Variants in CDKL5 observed in about 807,000 individuals in gnomAD.
CDKL5 encodes cyclin dependent kinase like 5.
CDKL5 carries 8 observed loss-of-function variants against 61.7 expected under a neutral mutation model. That is an observed-to-expected ratio of 0.13 (90% CI 0.08 to 0.23). CDKL5 has a LOEUF of 0.23. Among genes scored for constraint, CDKL5 ranks in the 10% least tolerant of loss-of-function variants. The pLI is 1.00. For missense variants in CDKL5, 440 were observed against 734.5 expected, an observed-to-expected ratio of 0.60 and a Z score of 4.63; for synonymous variants, 275 against 272.3, an observed-to-expected ratio of 1.01 and a Z score of -0.10.
Position 18,633,164 on chromosome X carries a change from T to C in CDKL5, c.*4407T>C. The C allele has an allele frequency of 4.0e-6, 3 of 754,090 alleles. No homozygotes were observed. Among genetic ancestry groups the C allele is most frequent in the Non-Finnish European group, 4.7e-6 (3 of 639,026 alleles). 62.1% of individuals were successfully genotyped at this position (754,090 alleles called of 1,213,427 possible). ...ATCTAGAAGTTCGTTACCTCCTGCA[T>C]GATAGTGGGATATTGAGATGTGGGT... On this transcript the variant is annotated 3_prime_UTR_variant, in exon 18 of 18. Transcript: ENST00000623535.
chrX:18,457,850 G>A (rs1003386566), intron 1 of CDKL5, among the ~76,000 whole-genome samples: 4 of 103,805 alleles, frequency 3.9e-5, no homozygotes, highest in African/African-American at 1.4e-4. Flanking sequence ...TCCTGACCTC[G>A]TGATTGACCT....
intron 1 of CDKL5, among the ~76,000 whole-genome samples, chrX:18,459,698 CTTTTTTTTTTTTT>C (rs756249968): frequency 2.1e-4 from 11 of 53,571 alleles, no homozygotes; most frequent in Non-Finnish European, 3.0e-4. Context: ...AGCTTTCTTT[CTTTTTTTTTTTTT>C]TTTTTTTTTT....
intron 3 of CDKL5, among the ~76,000 whole-genome samples, chrX:18,551,766 G>A (rs939438663): frequency 2.8e-5 from 3 of 106,961 alleles, no homozygotes; most frequent in East Asian, 2.9e-4. Flanking sequence ...TTTGTAGTGT[G>A]TGTGTGTGCA....
intron 1 of CDKL5, among the ~76,000 whole-genome samples, chrX:18,448,158 G>A (rs1335545875): frequency 8.9e-6 from 1 of 112,251 alleles, no homozygotes; most frequent in Non-Finnish European, 1.9e-5. Flanking sequence ...CATGTCTAAT[G>A]TGAAGTACAT....
At chrX:18,494,773 G>T (rs1006681164) in intron 1 of CDKL5, among the ~76,000 whole-genome samples, 1 of 112,444 alleles carries the variant, frequency 8.9e-6, no homozygotes, top group Admixed American at 9.4e-5. Context: ...CTAGTAAATT[G>T]TGTATAACTC....
chrX:18,537,685 G>T (rs142533148), intron 3 of CDKL5, among the ~76,000 whole-genome samples: 1,387 of 111,580 alleles, frequency 0.012, 11 homozygotes, highest in Middle Eastern at 0.023. Context: ...CTAACCCCTG[G>T]CAACCACTAA....
intron 3 of CDKL5, 129 bp from the exon 4 acceptor site, chrX:18,564,348 G>T: frequency 5.5e-6 from 2 of 363,801 alleles, no homozygotes; most frequent in Non-Finnish European, 1.0e-5. Flanking sequence ...GCGGGGGAGA[G>T]GAAGATGATA....
chrX:18,455,588 T>C (rs1449462637), intron 1 of CDKL5, among the ~76,000 whole-genome samples: 1 of 112,914 alleles, frequency 8.9e-6, no homozygotes, highest in Non-Finnish European at 1.9e-5. Context: ...GGTTGAGGAC[T>C]GTTAAGAGGC....
At chrX:18,592,255 G>A (rs1925853236) in intron 9 of CDKL5, among the ~76,000 whole-genome samples, 1 of 112,215 alleles carries the variant, frequency 8.9e-6, no homozygotes, top group Non-Finnish European at 1.9e-5. Context: ...AGAAAGCGTG[G>A]TATATAATAA....
rs764589907 is a variant in CDKL5, at chrX:18,603,919, G to A, written c.995G>A (p.Ser332Asn). The A allele has an allele frequency of 8.3e-7, 1 of 1,210,786 alleles. No individual in the cohort carries two copies. The highest frequency in any genetic ancestry group is 1.1e-6 in the Non-Finnish European group (1 of 894,655). ...TAACATAGAAACCAAGCCGGCAAAA[G>A]TACTGCTTTGCAGTCTCACCACAGA... ...TLSNRNQAGKSTALQSHHRSN... is the reference protein window; with the variant it reads ...TLSNRNQAGKNTALQSHHRSN... Residue 332 changes from serine (S) to asparagine (N), a missense_variant, in exon 12 of 18, where the codon AGT becomes AAT. Ser to Asn is a conservative substitution (Grantham distance 46). Around this residue, in one of 2 missense-constraint regions of CDKL5, gnomAD observed 363 missense variants for 516.3 expected, o/e 0.70. Transcript: ENST00000623535.
intron 21 of CDKL5, among the ~76,000 whole-genome samples, chrX:18,651,127 A>ACCACC (rs1300640102): frequency 1.5e-4 from 2 of 12,963 alleles, no homozygotes; most frequent in Non-Finnish European, 3.4e-4. Flanking sequence ...CCGTCCCCCC[A>ACCACC]CCACCGCACC....
chrX:18,441,300 C>T (rs764909369), intron 1 of CDKL5, among the ~76,000 whole-genome samples: 39 of 110,461 alleles, frequency 3.5e-4, no homozygotes, highest in Non-Finnish European at 7.2e-4. Flanking sequence ...CCTGTAGTCC[C>T]GCTACTCAGG....
At chrX:18,652,542 A>AC (rs749631197) in intron 21 of CDKL5, among the ~76,000 whole-genome samples, 1 of 111,343 alleles carries the variant, frequency 9.0e-6, no homozygotes, top group Non-Finnish European at 1.9e-5. Context: ...AGTGGTTGGC[A>AC]CCTGTAATCC....
intron 5 of CDKL5, among the ~76,000 whole-genome samples, chrX:18,576,508 A>G (rs1381310843): frequency 9.0e-6 from 1 of 111,399 alleles, no homozygotes; most frequent in East Asian, 2.8e-4. Flanking sequence ...TGCTTGCTAT[A>G]CCATAAATGA....
rs1033718302 is a variant in CDKL5, at chrX:18,527,073, G to A, written c.99+16219G>A. Among the ~76,000 whole-genome samples the A allele has an allele frequency of 8.0e-5, 9 of 112,134 alleles. No homozygotes were observed. The East Asian group carries it at 2.0e-3, about 25-fold the overall frequency. On this transcript the variant is annotated intron_variant, in intron 3 of 17. Coordinates refer to ENST00000623535, the MANE Select transcript of CDKL5 (RefSeq NM_001323289.2). The stretch of plus-strand genomic sequence containing the variant: ...GCTGGGATTACAGGCGTGAGCCACC[G>A]CGCCTGGCCTTGAAGCAGCCTTTCA...
chrX:18,531,567 G>A (rs1311047628), intron 3 of CDKL5, among the ~76,000 whole-genome samples: 1 of 112,180 alleles, frequency 8.9e-6, no homozygotes, highest in Non-Finnish European at 1.9e-5. Context: ...TCCAGGTACT[G>A]CTGATCTTGG....
chrX:18,460,706 G>A (rs1228517712), intron 1 of CDKL5, among the ~76,000 whole-genome samples: 1 of 110,915 alleles, frequency 9.0e-6, no homozygotes, highest in African/African-American at 3.3e-5. Flanking sequence ...TTGTCATGTT[G>A]CCCAGGCTAG....
intron 15 of CDKL5, among the ~76,000 whole-genome samples, chrX:18,619,409 TG>T (rs1713655545): frequency 8.9e-6 from 1 of 111,931 alleles, no homozygotes; most frequent in Admixed American, 9.6e-5. Context: ...TTTTTATAGC[TG>T]TATTGATCTT....
At chrX:18,559,368 C>T (rs1033308793) in intron 3 of CDKL5, among the ~76,000 whole-genome samples, 7 of 110,707 alleles carry the variant, frequency 6.3e-5, no homozygotes, top group Non-Finnish European at 9.5e-5. Context: ...GCCACCATGC[C>T]GGGCTAATTT....
Sources: allele counts gnomAD v4.1 joint callset (sites outside exome capture counted in the v4.1 genomes callset), GRCh38; gene constraint gnomAD v4.1.1; regional missense constraint gnomAD v4.1.1; transcripts MANE v1.5; gene names NCBI Gene and HGNC (gene_info 2026-07-23, HGNC 2026-07-21).